Variants in RHD observed in about 807,000 individuals in gnomAD.
RHD encodes blood group Rh(D) polypeptide.
In RHD, 16 loss-of-function variants were observed where a neutral mutation model predicts 45.5. That is an observed-to-expected ratio of 0.35 (90% CI 0.24 to 0.53). RHD has a LOEUF of 0.53. RHD is among the 20% of genes least tolerant of loss of function. The pLI is 0.92. For missense variants in RHD, 306 were observed against 532.0 expected (o/e 0.58, Z 4.18); for synonymous variants, 131 against 217.5 (o/e 0.60, Z 3.50).
At chr1:25,314,483 G>A (rs371834528) in intron 7 of RHD, among the ~76,000 whole-genome samples, 2 of 131,788 alleles carry the variant, frequency 1.5e-5, no homozygotes, top group South Asian at 2.3e-4. Context: ...CACTTTGTGC[G>A]TTACCTTTTT....
chr1:25,308,429 G>C (rs971863486), intron 7 of RHD, among the ~76,000 whole-genome samples: 3 of 126,418 alleles, frequency 2.4e-5, no homozygotes, highest in African/African-American at 8.2e-5. Context: ...TCTCTTGCAA[G>C]CTCAAGTTTT....
chr1:25,285,890 T>G (rs1256486080), intron 2 of RHD, among the ~76,000 whole-genome samples: 1 of 134,596 alleles, frequency 7.4e-6, no homozygotes, highest in African/African-American at 2.6e-5. Flanking sequence ...TCTAAGACCC[T>G]GCTAAACCTC....
In RHD at chr1:25,308,571, C is replaced by G. The variant is rs1278782849; in HGVS notation, c.1073+1842C>G. Among the ~76,000 whole-genome samples, 11 of 131,996 alleles carry G rather than the reference C, an allele frequency of 8.3e-5. 4 individuals carry two copies. Among genetic ancestry groups the G allele is most frequent in the Non-Finnish European group, 1.8e-4 (10 of 55,962 alleles). 86.6% of individuals were successfully genotyped at this position (131,996 alleles called of 152,430 possible). ...GCACTTGCAATTTCTATGGTACAAA[C>G]GCTTCCCGCATGACTGAGTTCAAGC... On this transcript the variant is annotated intron_variant, in intron 7 of 9. Transcript: ENST00000328664.
intron 4 of RHD, 126 bp from the exon 5 acceptor site, chr1:25,301,394 C>T: frequency 1.1e-6 from 1 of 925,902 alleles, no homozygotes; most frequent in Non-Finnish European, 1.7e-6. Context: ...GACGTGACTT[C>T]CCCATCTAAC....
At position 25,297,585 on chromosome 1, in the gene RHD, T is replaced by A. The variant is rs1643057594; in HGVS notation, c.487-3361T>A. Reference sequence around the variant, plus strand: ...CTAATTCCATCTTTCCTTCAGTAGTTGGCATTCTTCTGTAAGGAAAAGCTT... The same window carrying A: ...CTAATTCCATCTTTCCTTCAGTAGTAGGCATTCTTCTGTAAGGAAAAGCTT... On this transcript the variant is annotated intron_variant, in intron 3 of 9. Transcript: ENST00000328664. Among the ~76,000 whole-genome samples, 2 of 131,490 alleles carry A rather than the reference T, an allele frequency of 1.5e-5. 1 individual carries two copies. Among genetic ancestry groups the A allele is most frequent in the Non-Finnish European group, 3.6e-5 (2 of 55,864 alleles). 86.3% of individuals were successfully genotyped at this position (131,490 alleles called of 152,430 possible).
chr1:25,321,486 C>T (rs1644699205), intron 8 of RHD, among the ~76,000 whole-genome samples: 1 of 109,026 alleles, frequency 9.2e-6, no homozygotes, highest in Non-Finnish European at 2.1e-5. Context: ...CATGGTGAAA[C>T]TCCATCTCTA....
intron 1 of RHD, among the ~76,000 whole-genome samples, chr1:25,276,656 G>T (rs1641022498): frequency 7.7e-6 from 1 of 130,392 alleles, no homozygotes. Context: ...TGAGGCTGCA[G>T]TGGGACGGGA....
rs1290310025 is a variant in RHD, at chr1:25,274,094, A to C, written c.148+1399A>C. Among the ~76,000 whole-genome samples, 3 of 132,850 alleles carry C rather than the reference A, an allele frequency of 2.3e-5. 1 individual carries two copies. The highest frequency in any genetic ancestry group is 5.4e-5 in the Non-Finnish European group (3 of 56,036). The allele number at this position is 132,850 out of a possible 152,430, so 87.2% of individuals were successfully genotyped here. On this transcript the variant is annotated intron_variant, in intron 1 of 9. Transcript: ENST00000328664. ...GACATCCAATGTGGGATCCAGACTC[A>C]TGATGATTAGAGCTGATATTTATGA...
chr1:25,319,898 C>A (rs1441325110), intron 8 of RHD, among the ~76,000 whole-genome samples: 1 of 125,642 alleles, frequency 8.0e-6, no homozygotes, highest in African/African-American at 2.7e-5. Context: ...AAGAGAAATT[C>A]TTTTTTTTTT....
At chr1:25,299,145 G>C (rs1643184864) in intron 3 of RHD, among the ~76,000 whole-genome samples, 1 of 127,222 alleles carries the variant, frequency 7.9e-6, no homozygotes, top group African/African-American at 2.7e-5. Context: ...GCTTTGGGAG[G>C]CCAAGGCGGA....
chr1:25,289,317 C>T (rs1283053148), intron 2 of RHD, among the ~76,000 whole-genome samples: 1 of 129,298 alleles, frequency 7.7e-6, no homozygotes, highest in East Asian at 2.0e-4. Context: ...GCCTCAGCCT[C>T]GAGAGTGGCT....
At chr1:25,306,522 A>G in intron 6 of RHD, 74 bp from the exon 7 acceptor site, 4 of 1,295,826 alleles carry the variant, frequency 3.1e-6, no homozygotes, top group Non-Finnish European at 4.4e-6. Flanking sequence ...CCGGATACCA[A>G]GGGTGTGTGA....
At position 25,310,769 on chromosome 1, in the gene RHD, C is replaced by G. The variant is rs1461419451; in HGVS notation, c.1073+4040C>G. Among the ~76,000 whole-genome samples the G allele has an allele frequency of 2.3e-5, 3 of 131,868 alleles. 1 individual carries two copies. The highest frequency in any genetic ancestry group is 1.5e-4 in the Admixed American group (2 of 13,514). The allele number at this position is 131,868 out of a possible 152,430, so 86.5% of individuals were successfully genotyped here. On this transcript the variant is annotated intron_variant, in intron 7 of 9. Transcript: ENST00000328664. ...GGTGGATCACCTGAGGTCAGGAGTTCGAGACCAGCCTAGCTAACATGGTGA... is the reference window on the plus strand; with the variant it reads ...GGTGGATCACCTGAGGTCAGGAGTTGGAGACCAGCCTAGCTAACATGGTGA...
At chr1:25,299,630 C>T (rs1255529321) in intron 3 of RHD, among the ~76,000 whole-genome samples, 1 of 129,468 alleles carries the variant, frequency 7.7e-6, no homozygotes, top group Admixed American at 7.5e-5. Flanking sequence ...AGGTGACGCC[C>T]GAGAGGTCAG....
Position 25,309,678 on chromosome 1 carries a change from A to G in RHD, c.1073+2949A>G, listed in dbSNP as rs1212778885. Among the ~76,000 whole-genome samples, 2 of 131,946 alleles carry G rather than the reference A, an allele frequency of 1.5e-5. 1 individual carries two copies. Among genetic ancestry groups the G allele is most frequent in the Non-Finnish European group, 3.6e-5 (2 of 55,926 alleles). The allele number at this position is 131,946 out of a possible 152,430, so 86.6% of individuals were successfully genotyped here. ...CCAAGCTTTGTGGACAGGCCTGCCT[A>G]GTTTGAATCCCAAGAGCCACCCAGT... is the stretch of plus-strand genomic sequence containing the variant. On this transcript the variant is annotated intron_variant, in intron 7 of 9. Coordinates refer to ENST00000328664, the MANE Select transcript of RHD (RefSeq NM_016124.6).
intron 7 of RHD, among the ~76,000 whole-genome samples, chr1:25,312,353 TCTCC>T (rs1449436815): frequency 1.9e-5 from 2 of 102,652 alleles, no homozygotes; most frequent in Non-Finnish European, 4.7e-5. Context: ...CCAGAGGGAA[TCTCC>T]CATAGAATGA....
Position 25,321,209 on chromosome 1 carries a change from T to C in RHD, c.1154-680T>C, listed in dbSNP as rs1044861. ...AAGACAGACCTATAGGAGCACCCAA[T>C]TGGAGTCACCCTCCATAGTAGCCCA... On this transcript the variant is annotated intron_variant, in intron 8 of 9. Transcript: ENST00000328664. Among the ~76,000 whole-genome samples the C allele has an allele frequency of 3.0e-4, 39 of 129,132 alleles. 9 individuals are homozygous for C. The highest frequency in any genetic ancestry group is 1.2e-3 in the Admixed American group (16 of 13,034). The allele number at this position is 129,132 out of a possible 152,430, so 84.7% of individuals were successfully genotyped here.
At chr1:25,283,101 A>G (rs1641644176) in intron 1 of RHD, among the ~76,000 whole-genome samples, 2 of 132,878 alleles carry the variant, frequency 1.5e-5, no homozygotes. Flanking sequence ...TATGTGCATT[A>G]CATATACCAT....
In RHD at chr1:25,307,587, G is replaced by A. The variant is rs1482920922; in HGVS notation, c.1073+858G>A. The A allele has an allele frequency of 3.0e-5, 22 of 734,098 alleles. 2 individuals are homozygous for A. The highest frequency in any genetic ancestry group is 1.9e-4 in the African/African-American group (11 of 57,188). The allele number at this position is 734,098 out of a possible 1,614,324, so 45.5% of individuals were successfully genotyped here. A position where few individuals can be genotyped will look rare whatever the true frequency, so the allele number is the denominator to read the frequency against. On this transcript the variant is annotated intron_variant, in intron 7 of 9. Transcript: ENST00000328664. ...ATTATCTCCTTGAATTCTCACAACC[G>A]CCTACTGAGGTATTCTCAGACTCTA... is the stretch of plus-strand genomic sequence containing the variant.
Sources: gnomAD v4.1 joint callset for allele counts (sites outside exome capture counted in the v4.1 genomes callset) on GRCh38, gnomAD v4.1.1 for gene constraint, MANE v1.5 for transcripts, NCBI Gene and HGNC (gene_info 2026-07-23, HGNC 2026-07-21) for gene names.